The following NCOR2 variants were observed in gnomAD, a reference collection of about 807,000 sequenced individuals.
NCOR2 encodes CTG repeat protein 26.
NCOR2 carries 81 observed loss-of-function variants against 262.9 expected under a neutral mutation model. That is an observed-to-expected ratio of 0.31 (90% CI 0.26 to 0.37). The LOEUF is 0.37. Ranked by LOEUF, NCOR2 falls within the 10% of genes least tolerant of loss-of-function variation. The pLI is 1.00. For missense variants in NCOR2, 3,385 were observed against 3,621.4 expected (o/e 0.93, Z 1.68); for synonymous variants, 1,659 against 1,559.3 (o/e 1.06, Z -1.51).
intron 28 of NCOR2, among the ~76,000 whole-genome samples, chr12:124,349,379 G>A (rs185044733): frequency 2.0e-5 from 3 of 152,280 alleles, no homozygotes; most frequent in South Asian, 2.1e-4. Context: ...CCATTGCTTC[G>A]TGTGGCCCAC....
chr12:124,446,691 A>C (rs1379360302), intron 7 of NCOR2, among the ~76,000 whole-genome samples: 1 of 152,252 alleles, frequency 6.6e-6, no homozygotes, highest in Non-Finnish European at 1.5e-5. Context: ...CCAGAGTAAT[A>C]GAATTTTTAA....
chr12:124,391,110 G>GTGC (rs2041276679), intron 16 of NCOR2, among the ~76,000 whole-genome samples: 1 of 152,240 alleles, frequency 6.6e-6, no homozygotes, highest in Non-Finnish European at 1.5e-5. Flanking sequence ...AGGGAGGCCT[G>GTGC]TGCTGCCGCT....
chr12:124,520,867 C>G (rs998268428), intron 1 of NCOR2, among the ~76,000 whole-genome samples: 7 of 152,192 alleles, frequency 4.6e-5, no homozygotes, highest in African/African-American at 1.7e-4. Context: ...CTGAGCAGAG[C>G]TTTGACGGTG....
chr12:124,395,279 C>T (rs960804069), intron 16 of NCOR2, among the ~76,000 whole-genome samples: 5 of 152,104 alleles, frequency 3.3e-5, no homozygotes, highest in East Asian at 3.9e-4. Flanking sequence ...TTCTCCACCC[C>T]GACCCCCTAT....
chr12:124,348,504 C>A (rs1048562935), intron 28 of NCOR2, 190 bp from the exon 31 acceptor site: 1 of 702,996 alleles, frequency 1.4e-6, no homozygotes, highest in Non-Finnish European at 2.3e-6. Context: ...GCCAGCAGGA[C>A]CCAGGAGCTT....
At position 124,426,535 on chromosome 12, in the gene NCOR2, T is replaced by C. The variant is rs185522949; in HGVS notation, c.1328+87A>G. ...TTTTAAGCACCCCCCGGCATGCTCA[T>C]TTGTGGTGGCTGCCGGGAGACAGCG... On this transcript the variant is annotated intron_variant, in intron 11 of 46. Coordinates refer to ENST00000405201, the Ensembl canonical transcript of NCOR2. 8 of 1,319,040 alleles carry C rather than the reference T, an allele frequency of 6.1e-6. No individual in the cohort carries two copies. In the East Asian group the frequency reaches 1.8e-4, roughly 30 times the overall value. The allele number at this position is 1,319,040 out of a possible 1,614,324, so 81.7% of individuals were successfully genotyped here.
At chr12:124,359,489 C>T (rs907577091) in intron 22 of NCOR2, among the ~76,000 whole-genome samples, 1 of 152,244 alleles carries the variant, frequency 6.6e-6, no homozygotes, top group Non-Finnish European at 1.5e-5. Context: ...GCGAGGTGGG[C>T]AGCCCACAGG....
intron 1 of NCOR2, among the ~76,000 whole-genome samples, chr12:124,558,272 C>T (rs185346862): frequency 1.3e-4 from 20 of 151,444 alleles, no homozygotes; most frequent in East Asian, 5.9e-4. Context: ...ACCCACCCCC[C>T]CTCCAGACCT....
At chr12:124,527,325 C>T (rs964531344) in intron 1 of NCOR2, among the ~76,000 whole-genome samples, 3 of 152,148 alleles carry the variant, frequency 2.0e-5, no homozygotes, top group East Asian at 1.9e-4. Context: ...GGGCAAGATG[C>T]GGAACCTCTC....
chr12:124,398,813 C>T (rs766229007), intron 15 of NCOR2, among the ~76,000 whole-genome samples: 1 of 152,256 alleles, frequency 6.6e-6, no homozygotes, highest in Non-Finnish European at 1.5e-5. Flanking sequence ...AGAAGCCCTG[C>T]TCCAGAGGGA....
chr12:124,350,699 G>C (rs1473126296), exon 28 of NCOR2: 1 of 1,613,412 alleles, frequency 6.2e-7, no homozygotes. Flanking sequence ...CGATGATCCT[G>C]GTGATGGTGC....
intron 12 of NCOR2, among the ~76,000 whole-genome samples, 160 bp from the exon 15 acceptor site, chr12:124,420,215 G>A (rs1001535056): frequency 6.6e-6 from 1 of 152,210 alleles, no homozygotes; most frequent in Non-Finnish European, 1.5e-5. Flanking sequence ...TTTCTCATCT[G>A]TAAAATGGGA....
At chr12:124,475,066 C>A (rs1311597996) in intron 3 of NCOR2, among the ~76,000 whole-genome samples, 1 of 152,134 alleles carries the variant, frequency 6.6e-6, no homozygotes, top group Non-Finnish European at 1.5e-5. Context: ...CCAGCAAGAC[C>A]CACAGGGGCC....
chr12:124,342,085 G>C lies in NCOR2; in HGVS notation c.4937-11C>G. On this transcript the variant is annotated splice_polypyrimidine_tract_variant and intron_variant, in intron 33 of 46. Transcript: ENST00000405201. ...GGTAGTAGGCAGCGGCTGCGGGGCA[G>C]AGGGGAGCTCATGTGAGGCCAGCCA... 1 of 1,600,410 alleles carries C rather than the reference G, an allele frequency of 6.2e-7. No individual in the cohort carries two copies. The highest frequency in any genetic ancestry group is 8.5e-7 in the Non-Finnish European group (1 of 1,173,322).
upstream of NCOR2, among the ~76,000 whole-genome samples, chr12:124,500,008 A>AC (rs1224592282): frequency 6.6e-6 from 1 of 152,124 alleles, no homozygotes; most frequent in African/African-American, 2.4e-5. Flanking sequence ...GTCCCGCTGC[A>AC]CAGGCCCGCT....
chr12:124,351,252 C>T (rs143034122), intron 27 of NCOR2, among the ~76,000 whole-genome samples: 1 of 152,148 alleles, frequency 6.6e-6, no homozygotes, highest in Non-Finnish European at 1.5e-5. Flanking sequence ...TACCCGTGAC[C>T]ACGTCATGCA....
At chr12:124,329,976 CCT>C (rs2035041952) in intron 44 of NCOR2, among the ~76,000 whole-genome samples, 1 of 152,190 alleles carries the variant, frequency 6.6e-6, no homozygotes, top group Non-Finnish European at 1.5e-5. Flanking sequence ...GTGGAGGTGT[CCT>C]AGTTGGGACT....
rs1242674583 is a variant in NCOR2 at position 124,566,386 on chromosome 12, T to C, written c.-165+922A>G. ...AATAACGCCGGGCGCCCCACGCTAATTGGGCCCGGGCGACAGCAGCTCCCA... is the reference window on the plus strand; with the variant it reads ...AATAACGCCGGGCGCCCCACGCTAACTGGGCCCGGGCGACAGCAGCTCCCA... On this transcript the variant is annotated intron_variant, in intron 1 of 32. Coordinates refer to the NCOR2 transcript ENST00000458234. This position sits in a 1 kb window ranked among gnomAD's most constrained non-coding sequence, Gnocchi z 4.3. 6.6e-6 allele frequency among the ~76,000 whole-genome samples: 1 copy of C among 151,926 alleles called. No homozygotes were observed. Among genetic ancestry groups the C allele is most frequent in the Non-Finnish European group, 1.5e-5 (1 of 67,950 alleles).
At chr12:124,334,033 G>A (rs1012404807) in intron 41 of NCOR2, among the ~76,000 whole-genome samples, 4 of 88,044 alleles carry the variant, frequency 4.5e-5, no homozygotes, top group Non-Finnish European at 1.3e-4. Flanking sequence ...TGTGTGGAAA[G>A]GCTGCTCTCT....
Sources: gnomAD v4.1 joint callset for allele counts (sites outside exome capture counted in the v4.1 genomes callset) on GRCh38, gnomAD v4.1.1 for gene constraint, Gnocchi (gnomAD v3.1) non-coding constraint, MANE v1.5 for transcripts, NCBI Gene and HGNC (gene_info 2026-07-23, HGNC 2026-07-21) for gene names.